The following LY96 variants were observed in gnomAD, a reference collection of about 807,000 sequenced individuals.
LY96 encodes myeloid differentiation protein-2.
Under a neutral mutation model 18.9 loss-of-function variants are expected in LY96, and 18 were observed. That is an observed-to-expected ratio of 0.95 (90% CI 0.66 to 1.41). The LOEUF is 1.41. LY96 is among the 40% of genes most tolerant of loss of function. LY96 has a pLI of 0.00. For synonymous variants in LY96, 66 were observed against 62.6 expected (o/e 1.06, Z -0.26); for missense variants, 175 against 182.4 (o/e 0.96, Z 0.23).
chr8:74,057,336 C>T, the LY96 span, among the ~76,000 whole-genome samples: 1 of 152,110 alleles, frequency 6.6e-6, no homozygotes, highest in Non-Finnish European at 1.5e-5. Flanking sequence ...CTGTTGATTA[C>T]TCTGGGGATT....
chr8:74,034,408 C>A, the LY96 span, among the ~76,000 whole-genome samples: 1 of 151,850 alleles, frequency 6.6e-6, no homozygotes, highest in Non-Finnish European at 1.5e-5. Context: ...AAAAGGAGAA[C>A]CAGAGAAAGA....
chr8:73,993,955 C>T (rs914355359), intron 1 of LY96, among the ~76,000 whole-genome samples: 1 of 152,032 alleles, frequency 6.6e-6, no homozygotes, highest in African/African-American at 2.4e-5. Flanking sequence ...GTGAAACCAT[C>T]ACCGTTGGTG....
rs1816323855 is a variant in LY96 at position 74,002,745 on chromosome 8, T to TG, written c.113-2051_113-2050insG. ...TGCCACCACGCCCAGCTAATTTTTG[T>TG]ATTTTTTTCATAGAGGTGGGGTTTC... On this transcript the variant is annotated intron_variant, in intron 1 of 4. Transcript: ENST00000284818. 3.0e-5 allele frequency among the ~76,000 whole-genome samples: 4 copies of TG among 133,104 alleles called. No homozygotes were observed. The Admixed American group carries it at 3.2e-4, about 11-fold the overall frequency. 87.3% of individuals were successfully genotyped at this position (133,104 alleles called of 152,430 possible).
the LY96 span, among the ~76,000 whole-genome samples, chr8:74,094,607 G>A: frequency 2.0e-5 from 3 of 152,146 alleles, no homozygotes; most frequent in African/African-American, 7.2e-5. Flanking sequence ...AGGTTTGATT[G>A]CAAATGTCTT....
At chr8:74,037,558 G>C in the LY96 span, among the ~76,000 whole-genome samples, 51 of 152,264 alleles carry the variant, frequency 3.3e-4, no homozygotes, top group Middle Eastern at 0.027. Context: ...CTTGAGCCCA[G>C]AAGTTTGAAG....
chr8:74,079,515 G>C, the LY96 span: 2 of 152,140 alleles, frequency 1.3e-5, no homozygotes, highest in Admixed American at 1.3e-4. Context: ...TTACAAGGGA[G>C]CTTTATCAAT....
At chr8:74,054,620 C>CTTTCTTTCTTTA in the LY96 span, among the ~76,000 whole-genome samples, 3 of 70,612 alleles carry the variant, frequency 4.2e-5, no homozygotes, top group South Asian at 6.9e-4. Flanking sequence ...CCTTTTCCTT[C>CTTTCTTTCTTTA]TTTCTTTCTT....
chr8:73,996,357 C>T (rs59293223), intron 1 of LY96, among the ~76,000 whole-genome samples: 13 of 105,056 alleles, frequency 1.2e-4, no homozygotes, highest in South Asian at 5.8e-4. Flanking sequence ...TCCTTCCTTC[C>T]TTCCTTCCTT....
intron 3 of LY96, among the ~76,000 whole-genome samples, chr8:74,020,032 C>A (rs1816727439): frequency 3.3e-5 from 5 of 152,196 alleles, no homozygotes; most frequent in Admixed American, 3.3e-4. Context: ...GCCTCTCTCA[C>A]CACTCCTACT....
At chr8:74,006,264 G>A (rs140525124) in intron 2 of LY96, among the ~76,000 whole-genome samples, 387 of 152,076 alleles carry the variant, frequency 2.5e-3, no homozygotes, top group African/African-American at 7.6e-3. Context: ...GCATGATCTC[G>A]TCGGCTCACT....
the LY96 span, chr8:74,055,956 T>G: frequency 6.6e-6 from 1 of 152,472 alleles, no homozygotes; most frequent in Non-Finnish European, 1.5e-5. Flanking sequence ...GTTGATAACA[T>G]TTTCTAAGAA....
chr8:74,023,003 C>T (rs541696526), intron 3 of LY96, among the ~76,000 whole-genome samples: 1 of 152,210 alleles, frequency 6.6e-6, no homozygotes, highest in Non-Finnish European at 1.5e-5. Context: ...TACGGAAGGG[C>T]CCCATGCTTG....
At chr8:74,088,410 C>T in the LY96 span, among the ~76,000 whole-genome samples, 2 of 152,098 alleles carry the variant, frequency 1.3e-5, no homozygotes, top group Non-Finnish European at 2.9e-5. Flanking sequence ...AAAGCAGTTG[C>T]TAAGTCTTCT....
the LY96 span, among the ~76,000 whole-genome samples, chr8:74,073,188 G>A: frequency 1.3e-5 from 2 of 152,152 alleles, no homozygotes; most frequent in African/African-American, 4.8e-5. Flanking sequence ...GTGGAAGCCT[G>A]GGTCCTTTAT....
At chr8:74,029,550 C>T (rs1816935546), downstream of LY96, among the ~76,000 whole-genome samples, 1 of 152,190 alleles carries the variant, frequency 6.6e-6, no homozygotes. Flanking sequence ...TGCACTTCAC[C>T]TTCCTGCCAC....
At chr8:74,034,309 T>A in the LY96 span, among the ~76,000 whole-genome samples, 1 of 151,882 alleles carries the variant, frequency 6.6e-6, no homozygotes, top group Admixed American at 6.6e-5. Context: ...GAGATGGAGG[T>A]TGCAGTGAGC....
At chr8:74,094,775 A>G in the LY96 span, among the ~76,000 whole-genome samples, 1 of 152,214 alleles carries the variant, frequency 6.6e-6, no homozygotes, top group Non-Finnish European at 1.5e-5. Context: ...ATTGCTAATG[A>G]GTTAGAAGTT....
intron 4 of LY96, among the ~76,000 whole-genome samples, chr8:74,028,464 T>C (rs1248284627): frequency 1.3e-5 from 2 of 152,202 alleles, no homozygotes; most frequent in Non-Finnish European, 2.9e-5. Flanking sequence ...GTAAATATAA[T>C]GTGAACATTG....
chr8:74,092,333 C>CA, the LY96 span, among the ~76,000 whole-genome samples: 1 of 152,122 alleles, frequency 6.6e-6, no homozygotes, highest in Non-Finnish European at 1.5e-5. Context: ...AAAAGGAAAA[C>CA]AGGGAAAATG....
Sources: gnomAD v4.1 joint callset for allele counts (sites outside exome capture counted in the v4.1 genomes callset) on GRCh38, gnomAD v4.1.1 for gene constraint, MANE v1.5 for transcripts, NCBI Gene and HGNC (gene_info 2026-07-23, HGNC 2026-07-21) for gene names.